PCDHA10: variants seen among roughly 807,000 people sequenced by gnomAD.
The protein encoded by PCDHA10 is protocadherin alpha-10.
A neutral mutation model predicts 61.2 loss-of-function variants in PCDHA10; 45 were observed. The ratio of observed to expected loss-of-function variants is 0.74; its 90% CI spans 0.58 to 0.94. The LOEUF is 0.94. PCDHA10 is among the 40% of genes least tolerant of loss of function. The probability of loss-of-function intolerance (pLI) is 0.00; values close to 1 mark genes in which losing one functional copy is unlikely to be tolerated. For synonymous variants in PCDHA10, 602 were observed against 548.8 expected (o/e 1.10, Z -1.35); for missense variants, 1,278 against 1,236.2 (o/e 1.03, Z -0.51).
chr5:140,925,685 G>T (rs1584406507), intron 1 of PCDHA10, among the ~76,000 whole-genome samples: 1 of 137,694 alleles, frequency 7.3e-6, no homozygotes, highest in South Asian at 2.3e-4. Flanking sequence ...ATAAAGCGAG[G>T]GTGGGTATCT....
At chr5:140,967,758 A>G (rs781815948) in intron 1 of PCDHA10, 8 of 1,614,162 alleles carry the variant, frequency 5.0e-6, no homozygotes, top group Non-Finnish European at 5.9e-6. Context: ...GCCTCCTCCT[A>G]CCAGATCTAT....
At chr5:140,941,334 T>C (rs1398027134) in intron 1 of PCDHA10, among the ~76,000 whole-genome samples, 2 of 133,354 alleles carry the variant, frequency 1.5e-5, no homozygotes, top group African/African-American at 5.5e-5. Flanking sequence ...TTTTTTTTTT[T>C]CAGATGGAGT....
Position 140,857,808 on chromosome 5 carries a change from G to A in PCDHA10, c.1760G>A (p.Gly587Asp). Reference protein sequence around the residue: ...SELVLRSVVAGHVVAKVRAVD... With the variant: ...SELVLRSVVADHVVAKVRAVD... ...CTGGTGCTGCGGTCGGTGGTTGCGG[G>A]TCACGTGGTGGCTAAGGTGCGCGCA... The change falls in exon 1 of 4, where the codon GGT becomes GAT. Residue 587 changes from glycine to aspartate, a missense_variant. Coordinates refer to ENST00000307360, the MANE Select transcript of PCDHA10 (RefSeq NM_018901.4). The A allele has an allele frequency of 4.4e-6, 7 of 1,597,848 alleles. 1 individual carries two copies. The highest frequency in any genetic ancestry group is 6.0e-6 in the Non-Finnish European group (7 of 1,167,652).
chr5:140,965,794 C>T (rs1554227851), intron 1 of PCDHA10, among the ~76,000 whole-genome samples: 1 of 152,170 alleles, frequency 6.6e-6, no homozygotes, highest in Non-Finnish European at 1.5e-5. Flanking sequence ...TTCATGGAGA[C>T]TATTTTTTTA....
intron 1 of PCDHA10, chr5:140,875,963 T>C: frequency 4.3e-6 from 7 of 1,614,122 alleles, no homozygotes; most frequent in Non-Finnish European, 5.9e-6. Context: ...GATATCGGCG[T>C]AAACTCTCTT....
chr5:140,943,525 T>C (rs891940980), intron 1 of PCDHA10, among the ~76,000 whole-genome samples: 7 of 152,148 alleles, frequency 4.6e-5, no homozygotes, highest in African/African-American at 7.2e-5. Flanking sequence ...GAGTTCAGTA[T>C]GCAAAATGTC....
Position 140,856,833 on chromosome 5 carries a change from G to A in PCDHA10, c.785G>A (p.Arg262Gln), listed in dbSNP as rs1554149194. ...CAAGTGAACCAAACATTAGTAATAC[G>A]GCTCAACGCTTCTGATTCGGATGAA... ...ENQVNQTLVI[R>Q]LNASDSDEGI... Residue 262 changes from arginine (R) to glutamine (Q), a missense_variant, in exon 1 of 4, where the codon CGG becomes CAG. By Grantham distance (43) the Arg-to-Gln change is conservative (BLOSUM62 1). Coordinates refer to ENST00000307360, the MANE Select transcript of PCDHA10 (RefSeq NM_018901.4). 3 of 1,591,548 alleles carry A rather than the reference G, an allele frequency of 1.9e-6. No homozygotes were observed. Among genetic ancestry groups the A allele is most frequent in the African/African-American group, 2.7e-5 (2 of 74,108 alleles).
chr5:140,931,147 A>G (rs1469532498), intron 1 of PCDHA10, among the ~76,000 whole-genome samples: 1 of 152,206 alleles, frequency 6.6e-6, no homozygotes, highest in Non-Finnish European at 1.5e-5. Context: ...AGTGGATACT[A>G]TTTAATAGAA....
chr5:140,863,613 C>T, intron 1 of PCDHA10: 2 of 338,450 alleles, frequency 5.9e-6, no homozygotes, highest in South Asian at 4.9e-5. Flanking sequence ...TAATGTCCCT[C>T]ATAGTGACAT....
At chr5:140,909,854 C>T (rs756812618) in intron 1 of PCDHA10, among the ~76,000 whole-genome samples, 8 of 152,186 alleles carry the variant, frequency 5.3e-5, no homozygotes, top group Non-Finnish European at 1.2e-4. Flanking sequence ...CGTTTTCGGT[C>T]CCCTGGAGTC....
intron 3 of PCDHA10, among the ~76,000 whole-genome samples, chr5:140,990,953 A>G (rs371951430): frequency 6.6e-6 from 1 of 152,194 alleles, no homozygotes; most frequent in Non-Finnish European, 1.5e-5. Flanking sequence ...GACTGTAGAA[A>G]TAGTCTCTTA....
chr5:140,884,457 G>A, intron 1 of PCDHA10: 1 of 1,613,758 alleles, frequency 6.2e-7, no homozygotes, highest in Non-Finnish European at 8.5e-7. Flanking sequence ...CCCACCGAGG[G>A]CGCGTGCGCG....
intron 1 of PCDHA10, chr5:140,967,045 C>T: frequency 6.2e-7 from 1 of 1,612,250 alleles, no homozygotes. Flanking sequence ...TGGAGCTGGA[C>T]CTGACGAGTG....
rs74982530 is a variant in PCDHA10 at position 140,857,003 on chromosome 5, G to A, written c.955G>A (p.Val319Ile). The A allele has an allele frequency of 1.3e-6, 2 of 1,595,436 alleles. No individual in the cohort carries two copies. The highest frequency in any genetic ancestry group is 1.7e-5 in the Admixed American group (1 of 59,280). Residue 319 changes from valine (V) to isoleucine (I), a missense_variant, in exon 1 of 4, where the codon GTA (valine) becomes ATA (isoleucine). Physicochemically the swap from Val to Ile is conservative, Grantham distance 29. Coordinates refer to ENST00000307360, the MANE Select transcript of PCDHA10 (RefSeq NM_018901.4). ...FEDSNTYEIH[V>I]DVTDKGNPPM... The stretch of plus-strand genomic sequence containing the variant: ...GGACAGTAACACTTATGAAATTCAT[G>A]TAGATGTTACAGATAAGGGAAACCC...
intron 1 of PCDHA10, among the ~76,000 whole-genome samples, chr5:140,916,163 C>T (rs546851152): frequency 4.6e-5 from 7 of 152,184 alleles, no homozygotes; most frequent in Admixed American, 1.3e-4. Context: ...TGAATGCTGC[C>T]AGGCCTGGGA....
chr5:140,941,210 T>TTC (rs2092846943), intron 1 of PCDHA10, among the ~76,000 whole-genome samples: 12 of 100,630 alleles, frequency 1.2e-4, no homozygotes, highest in Admixed American at 4.7e-4. Context: ...TTCCTTTCTT[T>TTC]CTTCCTTTCT....
chr5:140,931,473 A>G (rs2087545332), intron 1 of PCDHA10, among the ~76,000 whole-genome samples: 1 of 152,066 alleles, frequency 6.6e-6, no homozygotes, highest in Admixed American at 6.6e-5. Flanking sequence ...TGACAGAGGA[A>G]AAAACAACCC....
chr5:140,884,497 C>T, intron 1 of PCDHA10: 1 of 1,614,042 alleles, frequency 6.2e-7, no homozygotes, highest in Non-Finnish European at 8.5e-7. Flanking sequence ...TGTGCTCCAG[C>T]GCGGCAGGGA....
intron 1 of PCDHA10, among the ~76,000 whole-genome samples, chr5:140,943,277 AGAAAG>A (rs797041544): frequency 8.1e-4 from 104 of 129,164 alleles, no homozygotes; most frequent in African/African-American, 3.0e-3. Context: ...AAAAAAAAAA[AGAAAG>A]AAAGAATTAA....
Sources: allele counts gnomAD v4.1 joint callset (sites outside exome capture counted in the v4.1 genomes callset), GRCh38; gene constraint gnomAD v4.1.1; transcripts MANE v1.5; gene names NCBI Gene and HGNC (gene_info 2026-07-23, HGNC 2026-07-21).